Variants in TRAPPC12 observed in about 807,000 individuals in gnomAD.
TRAPPC12 encodes TPR repeat protein 15.
In TRAPPC12, 61 loss-of-function variants were observed where a neutral mutation model predicts 69.2. That is an observed-to-expected ratio of 0.88 (90% CI 0.72 to 1.09). The LOEUF (loss-of-function observed/expected upper bound fraction) is 1.09. Among genes scored for constraint, TRAPPC12 ranks in the 50% least tolerant of loss-of-function variants. TRAPPC12 has a pLI of 0.00. For missense variants in TRAPPC12, 1,101 were observed against 1,016.4 expected, an observed-to-expected ratio of 1.08 and a Z score of -1.13; for synonymous variants, 469 against 438.9, an observed-to-expected ratio of 1.07 and a Z score of -0.86.
intron 3 of TRAPPC12, among the ~76,000 whole-genome samples, chr2:3,409,750 TAAAAAAAAAAAAAAAAAAA>T (rs71396989): frequency 5.0e-3 from 277 of 54,902 alleles, no homozygotes; most frequent in Non-Finnish European, 7.7e-3. Context: ...ACTTTGTCTT[TAAAAAAAAAAAAAAAAAAA>T]AAAAAAAAAG....
intron 5 of TRAPPC12, among the ~76,000 whole-genome samples, chr2:3,440,535 T>A (rs571931047): frequency 6.6e-6 from 1 of 152,334 alleles, no homozygotes; most frequent in Admixed American, 6.5e-5. Context: ...TGATCTTGTA[T>A]CCTGTGACTT....
At chr2:3,466,421 C>T (rs1665813115) in intron 9 of TRAPPC12, 1 of 469,888 alleles carries the variant, frequency 2.1e-6, no homozygotes, top group Non-Finnish European at 4.4e-6. Flanking sequence ...CTGAGCATTT[C>T]ACCTCACGGT....
intron 5 of TRAPPC12, among the ~76,000 whole-genome samples, chr2:3,440,831 T>C (rs1277242954): frequency 6.6e-6 from 1 of 152,234 alleles, no homozygotes; most frequent in African/African-American, 2.4e-5. Flanking sequence ...TGAGGAAGTT[T>C]CCCTCTATTC....
intron 2 of TRAPPC12, among the ~76,000 whole-genome samples, chr2:3,393,611 C>T (rs1372367347): frequency 6.6e-6 from 1 of 151,196 alleles, no homozygotes; most frequent in Non-Finnish European, 1.5e-5. Context: ...ATCATATATA[C>T]CTTGAATATA....
At chr2:3,449,280 A>G (rs1664720765) in intron 6 of TRAPPC12, 1 of 152,288 alleles carries the variant, frequency 6.6e-6, no homozygotes, top group African/African-American at 2.4e-5. Context: ...AAGTAGACAT[A>G]ATCCATACGG....
chr2:3,475,722 T>C (rs1409403997), intron 9 of TRAPPC12, among the ~76,000 whole-genome samples: 1 of 152,154 alleles, frequency 6.6e-6, no homozygotes, highest in African/African-American at 2.4e-5. Flanking sequence ...GGTCTGGGCG[T>C]TGGACAGCCT....
rs1224636001 is a variant in TRAPPC12 at position 3,460,265 on chromosome 2, T to C, written c.1606T>C (p.Ser536Pro). The change falls in exon 8 of 12, where the codon TCT becomes CCT. Residue 536 changes from serine to proline, a missense_variant and splice_region_variant. Coordinates refer to ENST00000324266, the MANE Select transcript of TRAPPC12 (RefSeq NM_016030.6). ...TACAGGCTGCTCTTACCTTGTAGCC[T>C]CTATCCGGCTGTGGAGGTCACGTCT... ...SSVTQEGRQA[S>P]IRLWRSRLGR... is the part of the protein sequence containing the mutation. 5.7e-6 allele frequency: 5 copies of C among 873,368 alleles called. No homozygotes were observed. Among genetic ancestry groups the C allele is most frequent in the Non-Finnish European group, 1.0e-5 (5 of 502,088 alleles). The allele number at this position is 873,368 out of a possible 1,614,324, so 54.1% of individuals were successfully genotyped here. A position where few individuals can be genotyped will look rare whatever the true frequency, so the allele number is the denominator to read the frequency against.
At chr2:3,432,257 G>A (rs921281525) in intron 5 of TRAPPC12, among the ~76,000 whole-genome samples, 8 of 152,170 alleles carry the variant, frequency 5.3e-5, no homozygotes, top group South Asian at 2.1e-4. Context: ...AACTTAATCC[G>A]TGCGGATTAC....
At chr2:3,468,650 G>T (rs1665929823) in intron 9 of TRAPPC12, among the ~76,000 whole-genome samples, 1 of 152,162 alleles carries the variant, frequency 6.6e-6, no homozygotes, top group African/African-American at 2.4e-5. Flanking sequence ...CGTGTGCTCA[G>T]AATTGCCCTT....
At chr2:3,425,261 G>C (rs1385174189) in intron 5 of TRAPPC12, among the ~76,000 whole-genome samples, 1 of 152,214 alleles carries the variant, frequency 6.6e-6, no homozygotes, top group East Asian at 1.9e-4. Flanking sequence ...GCCTTGTGCA[G>C]TGTGCGTCTC....
intron 3 of TRAPPC12, among the ~76,000 whole-genome samples, chr2:3,417,388 A>G (rs1662477895): frequency 6.6e-6 from 1 of 151,890 alleles, no homozygotes; most frequent in Admixed American, 6.6e-5. Flanking sequence ...GCAGCGTCTG[A>G]CCACGTGCAG....
chr2:3,477,979 T>C (rs1361307254), intron 10 of TRAPPC12, 184 bp downstream of exon 10: 7 of 452,760 alleles, frequency 1.5e-5, no homozygotes, highest in Admixed American at 1.2e-4. Context: ...TGATGTTCTT[T>C]TAGTCACAGA....
intron 1 of TRAPPC12, 146 bp from the exon 2 acceptor site, chr2:3,387,474 G>C: frequency 2.9e-6 from 2 of 684,794 alleles, no homozygotes; most frequent in South Asian, 4.3e-5. Flanking sequence ...TCAATTTTAT[G>C]TGTATTTTAC....
chr2:3,438,389 T>TCACCCCTGGATTAATACTTC (rs1663988562), intron 5 of TRAPPC12, among the ~76,000 whole-genome samples: 4 of 96,632 alleles, frequency 4.1e-5, no homozygotes, highest in African/African-American at 1.6e-4. Flanking sequence ...TGATCCCCCA[T>TCACCCCTGGATTAATACTTC]CACCCCTGGA....
intron 3 of TRAPPC12, among the ~76,000 whole-genome samples, chr2:3,403,976 C>T (rs1661590580): frequency 6.6e-6 from 1 of 152,122 alleles, no homozygotes; most frequent in Non-Finnish European, 1.5e-5. Flanking sequence ...AAATTTTTTC[C>T]TTAATTGACT....
Position 3,443,898 on chromosome 2 carries a change from G to A in TRAPPC12, c.1530+7G>A. 6.2e-7 allele frequency: 1 copy of A among 1,608,334 alleles called. No homozygotes were observed. The highest frequency in any genetic ancestry group is 8.5e-7 in the Non-Finnish European group (1 of 1,175,308). On this transcript the variant is annotated splice_region_variant and intron_variant, in intron 6 of 11. Transcript: ENST00000324266. ...GAAGACTGTCTGCAGCAAGGTAGGT[G>A]GCGCTGTCATTCTTCCCTGCCACGG...
At chr2:3,478,259 C>CT (rs1024939694) in intron 10 of TRAPPC12, among the ~76,000 whole-genome samples, 4 of 152,230 alleles carry the variant, frequency 2.6e-5, no homozygotes, top group African/African-American at 9.6e-5. Context: ...CAGCCAGGAT[C>CT]AGAAAGCGTA....
At position 3,423,940 on chromosome 2, in the gene TRAPPC12, C is replaced by T. The variant is rs73910526; in HGVS notation, c.1279-585C>T. On this transcript the variant is annotated intron_variant, in intron 4 of 11. Coordinates refer to ENST00000324266, the MANE Select transcript of TRAPPC12 (RefSeq NM_016030.6). Reference sequence around the variant, plus strand: ...TGTCCACTCTGTACCTTTGTCCTTACGTTCCCTGAACCAGCAGACCCTTCC... The same window carrying T: ...TGTCCACTCTGTACCTTTGTCCTTATGTTCCCTGAACCAGCAGACCCTTCC... Among the ~76,000 whole-genome samples, 1,151 of 152,302 alleles carry T rather than the reference C, an allele frequency of 7.6e-3. 16 individuals carry two copies. Among genetic ancestry groups the T allele is most frequent in the African/African-American group, 0.027 (1,108 of 41,562 alleles).
In TRAPPC12 at chr2:3,399,240, G is replaced by A. The variant is rs1319644559; in HGVS notation, c.1048-2537G>A. ...GCATGGTCTCATTGATAATGTTGTG[G>A]GGATGGAGGAGTTGAATTGGCCCTC... On this transcript the variant is annotated intron_variant, in intron 2 of 11. Transcript: ENST00000324266. Among the ~76,000 whole-genome samples the A allele has an allele frequency of 2.0e-5, 3 of 152,170 alleles. No homozygotes were observed. The East Asian group carries it at 5.8e-4, about 29-fold the overall frequency.
Sources: gnomAD v4.1 joint callset for allele counts (sites outside exome capture counted in the v4.1 genomes callset) on GRCh38, gnomAD v4.1.1 for gene constraint, MANE v1.5 for transcripts, NCBI Gene and HGNC (gene_info 2026-07-23, HGNC 2026-07-21) for gene names.